The following SLITRK4 variants were observed in gnomAD, a reference collection of about 807,000 sequenced individuals.
SLITRK4 encodes SLIT and NTRK-like protein 4.
Under a neutral mutation model 34.7 loss-of-function variants are expected in SLITRK4, and 7 were observed. The ratio of observed to expected loss-of-function variants is 0.20; its 90% confidence interval spans 0.11 to 0.38. SLITRK4 has a LOEUF of 0.38. Among genes scored for constraint, SLITRK4 ranks in the 10% least tolerant of loss-of-function variants. The pLI, the probability that SLITRK4 is intolerant of heterozygous loss-of-function variation, is 1.00. For synonymous variants in SLITRK4, 237 were observed against 246.2 expected (o/e 0.96, Z 0.35); for missense variants, 474 against 607.0 (o/e 0.78, Z 2.30).
rs782193840 is a variant in SLITRK4, at chrX:143,629,198, G to A, written c.1911C>T (p.Cys637=). 6 of 1,211,438 alleles carry A rather than the reference G, an allele frequency of 5.0e-6. No individual in the cohort carries two copies. The highest frequency in any genetic ancestry group is 6.7e-6 in the Non-Finnish European group (6 of 895,476). ...VLILTVFVAF[C]LLVFVLRRNK... is the part of the protein sequence containing the mutation. ...TGCGTCGCAGGACAAAAACAAGAAGGCAAAAAGCAACAAACACCGTTAAAA... is the reference window on the plus strand; with the variant it reads ...TGCGTCGCAGGACAAAAACAAGAAGACAAAAAGCAACAAACACCGTTAAAA... The change falls in exon 2 of 2, where the codon TGC becomes TGT. Residue 637 remains cysteine (C), a synonymous_variant. Transcript: ENST00000356928.
Position 143,629,325 on chromosome X carries a change from G to C in SLITRK4, c.1784C>G (p.Ala595Gly). The C allele has an allele frequency of 8.3e-7, 1 of 1,211,966 alleles. No homozygotes were observed. Among genetic ancestry groups the C allele is most frequent in the African/African-American group, 1.7e-5 (1 of 57,903 alleles). ...AGGAGTGGTGAATGTAATGGCAGGT[G>C]CAGGGCTTGTGAATGGTGCAGACGG... is the stretch of plus-strand genomic sequence containing the variant. ...NKPSAPFTSP[A>G]PAITFTTPLG... is the part of the protein sequence containing the mutation. The change falls in exon 2 of 2, where the codon GCA (alanine) becomes GGA (glycine). Residue 595 changes from alanine (A) to glycine (G), a missense_variant. By Grantham distance (60) the Ala-to-Gly change is moderately conservative. Around this residue, in one of 3 missense-constraint regions of SLITRK4, gnomAD observed 345 missense variants for 406.5 expected, o/e 0.85. Transcript: ENST00000356928.
At position 143,623,020 on chromosome X, in the gene SLITRK4, C is replaced by G. The variant is rs1930680646; in HGVS notation, c.*5575G>C. Reference sequence around the variant, plus strand: ...ATTAACCAGCAGCGTCTGACATGATCTAGTATTTGTGAGGTGCCAACTAAG... The same window carrying G: ...ATTAACCAGCAGCGTCTGACATGATGTAGTATTTGTGAGGTGCCAACTAAG... On this transcript the variant is annotated 3_prime_UTR_variant, in exon 2 of 2. Coordinates refer to ENST00000356928, the MANE Select transcript of SLITRK4 (RefSeq NM_001184749.3). 9.1e-6 allele frequency: 1 copy of G among 110,436 alleles called. No homozygotes were observed. Among genetic ancestry groups the G allele is most frequent in the Admixed American group, 9.8e-5 (1 of 10,231 alleles). The allele number at this position is 110,436 out of a possible 1,213,427, so 9.1% of individuals were successfully genotyped here.
rs986296755 is a variant in SLITRK4, at chrX:143,625,258, T to C, written c.*3337A>G. The C allele has an allele frequency of 9.0e-6, 1 of 111,443 alleles. No homozygotes were observed. Among genetic ancestry groups the C allele is most frequent in the Non-Finnish European group, 1.9e-5 (1 of 52,783 alleles). The allele number at this position is 111,443 out of a possible 1,213,427, so 9.2% of individuals were successfully genotyped here. A position where few individuals can be genotyped will look rare whatever the true frequency, so the allele number is the denominator to read the frequency against. On this transcript the variant is annotated 3_prime_UTR_variant, in exon 2 of 2. Coordinates refer to ENST00000356928, the MANE Select transcript of SLITRK4 (RefSeq NM_001184749.3). ...CTAATTCATATATTTTTTCAGTCTA[T>C]TCAGAATGAAAAACTAAATATAGAA... is the stretch of plus-strand genomic sequence containing the variant.
At chrX:143,631,724 G>T (rs1275096354) in intron 1 of SLITRK4, among the ~76,000 whole-genome samples, 1 of 111,146 alleles carries the variant, frequency 9.0e-6, no homozygotes, top group Non-Finnish European at 1.9e-5. Context: ...AGTGACCTGG[G>T]AAGAGATTTG....
In SLITRK4 at chrX:143,629,171, G is replaced by A. The variant is rs1556426360; in HGVS notation, c.1938C>T (p.Asn646=). Residue 646 remains asparagine, a synonymous_variant, in exon 2 of 2, where the codon AAC becomes AAT. Transcript: ENST00000356928. ...CTTCGTGCTTCACTGTGGGTTTCTT[G>A]TTGCGTCGCAGGACAAAAACAAGAA... The part of the protein sequence containing the change: ...FCLLVFVLRR[N]KKPTVKHEGL... The A allele has an allele frequency of 8.3e-7, 1 of 1,211,462 alleles. No homozygotes were observed. Among genetic ancestry groups the A allele is most frequent in the Admixed American group, 2.2e-5 (1 of 45,960 alleles).
rs1556425527 is a variant in SLITRK4 at position 143,626,774 on chromosome X, C to G, written c.*1821G>C. 3 of 107,417 alleles carry G rather than the reference C, an allele frequency of 2.8e-5. No homozygotes were observed. The highest frequency in any genetic ancestry group is 1.0e-4 in the African/African-American group (3 of 29,585). The allele number at this position is 107,417 out of a possible 1,213,427, so 8.9% of individuals were successfully genotyped here. On this transcript the variant is annotated 3_prime_UTR_variant, in exon 2 of 2. Transcript: ENST00000356928. The stretch of plus-strand genomic sequence containing the variant: ...GTAATTATAAGAGATAGGACACACA[C>G]TCTCACACATGCACACACACACACT...
rs1930896783 is a variant in SLITRK4, at chrX:143,628,673, A to G, written c.2436T>C (p.Phe812=). The change falls in exon 2 of 2, where the codon TTT becomes TTC. Residue 812 remains phenylalanine, a synonymous_variant. Transcript: ENST00000356928. ...AACTCTGCAGTTTCGCCTTCAGTTCAAAATACTCACTCTTCCTTTGTTCCA... is the reference window on the plus strand; with the variant it reads ...AACTCTGCAGTTTCGCCTTCAGTTCGAAATACTCACTCTTCCTTTGTTCCA... The part of the protein sequence containing the change: ...IVVEQRKSEY[F]ELKAKLQSSP... 1 of 1,211,492 alleles carries G rather than the reference A, an allele frequency of 8.3e-7. No individual in the cohort carries two copies. The highest frequency in any genetic ancestry group is 1.1e-6 in the Non-Finnish European group (1 of 895,418).
chrX:143,625,464 A>G lies in SLITRK4; in HGVS notation c.*3131T>C, dbSNP rs1268543921. 9.0e-6 allele frequency: 1 copy of G among 111,408 alleles called. No individual in the cohort carries two copies. Among genetic ancestry groups the G allele is most frequent in the Non-Finnish European group, 1.9e-5 (1 of 52,739 alleles). 9.2% of individuals were successfully genotyped at this position (111,408 alleles called of 1,213,427 possible). ...ATCTCAACCCCTTCACTGATTTCAT[A>G]AGATCTAAATTTGTTTGCAATCATT... On this transcript the variant is annotated 3_prime_UTR_variant, in exon 2 of 2. Coordinates refer to ENST00000356928, the MANE Select transcript of SLITRK4 (RefSeq NM_001184749.3).
chrX:143,624,988 T>A lies in SLITRK4; in HGVS notation c.*3607A>T, dbSNP rs1232299937. ...TATAGTTTCTCCCCAACTCTTTGGA[T>A]GCGACAGTAACAACAAAAAAACCTC... On this transcript the variant is annotated 3_prime_UTR_variant, in exon 2 of 2. Transcript: ENST00000356928. 9.0e-6 allele frequency: 1 copy of A among 111,133 alleles called. No homozygotes were observed. Among genetic ancestry groups the A allele is most frequent in the Non-Finnish European group, 1.9e-5 (1 of 52,720 alleles). The allele number at this position is 111,133 out of a possible 1,213,427, so 9.2% of individuals were successfully genotyped here.
In SLITRK4 at chrX:143,627,324, G is replaced by C. The variant is rs1556425664; in HGVS notation, c.*1271C>G. ...AATTAAGCTCATAGAATCCTGAAAA[G>C]CAAGACAACCGATGGCAAATAACAA... is the stretch of plus-strand genomic sequence containing the variant. On this transcript the variant is annotated 3_prime_UTR_variant, in exon 2 of 2. Transcript: ENST00000356928. 1.8e-5 allele frequency: 2 copies of C among 110,128 alleles called. No individual in the cohort carries two copies. Among genetic ancestry groups the C allele is most frequent in the African/African-American group, 3.3e-5 (1 of 30,310 alleles). 9.1% of individuals were successfully genotyped at this position (110,128 alleles called of 1,213,427 possible). A position where few individuals can be genotyped will look rare whatever the true frequency, so the allele number is the denominator to read the frequency against.
In SLITRK4 at chrX:143,629,273, A is replaced by C. The variant is rs1163754937; in HGVS notation, c.1836T>G (p.Gly612=). 2.5e-6 allele frequency: 3 copies of C among 1,210,436 alleles called. No homozygotes were observed. In the African/African-American group the frequency reaches 5.2e-5, roughly 21 times the overall value. Residue 612 remains glycine (G), a synonymous_variant, in exon 2 of 2, where the codon GGT becomes GGG. Transcript: ENST00000356928. ...TTAAAATAGACAGAGGCACTGGCCC[A>C]CCAGGAGGACTTCGAATGGGACCCA... ...TPLGPIRSPP[G]GPVPLSILIL... is the part of the protein sequence containing the mutation.
rs953039312 is a variant in SLITRK4, at chrX:143,625,218, G to T, written c.*3377C>A. On this transcript the variant is annotated 3_prime_UTR_variant, in exon 2 of 2. Transcript: ENST00000356928. ...TAAAAAAAGCAACAAAAGAAAGATG[G>T]TCTTAAATAAATTTCTAATTCATAT... The T allele has an allele frequency of 1.8e-5, 2 of 110,693 alleles. No homozygotes were observed. Among genetic ancestry groups the T allele is most frequent in the Admixed American group, 9.6e-5 (1 of 10,364 alleles). The allele number at this position is 110,693 out of a possible 1,213,427, so 9.1% of individuals were successfully genotyped here. A position where few individuals can be genotyped will look rare whatever the true frequency, so the allele number is the denominator to read the frequency against.
Position 143,623,561 on chromosome X carries a change from T to TTAAATAAA in SLITRK4, c.*5026_*5033dup, listed in dbSNP as rs782814951. The TTAAATAAA allele has an allele frequency of 9.1e-6, 1 of 110,123 alleles. No homozygotes were observed. The allele number at this position is 110,123 out of a possible 1,213,427, so 9.1% of individuals were successfully genotyped here. A position where few individuals can be genotyped will look rare whatever the true frequency, so the allele number is the denominator to read the frequency against. On this transcript the variant is annotated 3_prime_UTR_variant, in exon 2 of 2. Transcript: ENST00000356928. ...TCAACCAGTAGAAACTAAAAAGACATTAAATAAATAAATAAATAAATAAAT... is the reference window on the plus strand; with the variant it reads ...TCAACCAGTAGAAACTAAAAAGACATTAAATAAATAAATAAATAAATAAATAAATAAAT...
Position 143,628,209 on chromosome X carries a change from G to C in SLITRK4, c.*386C>G, listed in dbSNP as rs186214549. 2.2e-5 allele frequency: 5 copies of C among 222,646 alleles called. No homozygotes were observed. The highest frequency in any genetic ancestry group is 1.3e-4 in the African/African-American group (4 of 30,094). 18.3% of individuals were successfully genotyped at this position (222,646 alleles called of 1,213,427 possible). A position where few individuals can be genotyped will look rare whatever the true frequency, so the allele number is the denominator to read the frequency against. On this transcript the variant is annotated 3_prime_UTR_variant, in exon 2 of 2. Transcript: ENST00000356928. ...TTCCAGTTCCACCAACTTAATCTAC[G>C]TGCAAGATAAAGGACCCAGCTGGTA... is the stretch of plus-strand genomic sequence containing the variant.
rs891571367 is a variant in SLITRK4, at chrX:143,623,053, T to C, written c.*5542A>G. 2 of 110,876 alleles carry C rather than the reference T, an allele frequency of 1.8e-5. No homozygotes were observed. The highest frequency in any genetic ancestry group is 3.8e-5 in the Non-Finnish European group (2 of 52,828). The allele number at this position is 110,876 out of a possible 1,213,427, so 9.1% of individuals were successfully genotyped here. A position where few individuals can be genotyped will look rare whatever the true frequency, so the allele number is the denominator to read the frequency against. On this transcript the variant is annotated 3_prime_UTR_variant, in exon 2 of 2. Transcript: ENST00000356928. ...TGTGAGGTGCCAACTAAGAGAAATATATTGTTCAGAAACTTGAAAAGACTA... is the reference window on the plus strand; with the variant it reads ...TGTGAGGTGCCAACTAAGAGAAATACATTGTTCAGAAACTTGAAAAGACTA...
Position 143,629,649 on chromosome X carries a change from C to T in SLITRK4, c.1460G>A (p.Ser487Asn), listed in dbSNP as rs202159792. 1.2e-5 allele frequency: 14 copies of T among 1,209,658 alleles called. No individual in the cohort carries two copies. The highest frequency in any genetic ancestry group is 1.6e-5 in the Non-Finnish European group (14 of 895,270). ...LLYLNNNLLK[S>N]LPVYIFSGAP... ...TCCGGAAAAGATGTAAACAGGCAGG[C>T]TCTTTAGGAGATTATTGTTTAAGTA... The change falls in exon 2 of 2, where the codon AGC (serine) becomes AAC (asparagine). Residue 487 changes from serine to asparagine, a missense_variant. Physicochemically the swap from Ser to Asn is conservative, Grantham distance 46 (BLOSUM62 1). This residue lies in a region of SLITRK4 where 345 missense variants were observed against 406.5 expected (regional missense o/e 0.85). Transcript: ENST00000356928.
At chrX:143,635,601 G>A (rs1434243614) in intron 1 of SLITRK4, 134 bp downstream of exon 1, 2 of 110,181 alleles carry the variant, frequency 1.8e-5, no homozygotes, top group African/African-American at 6.6e-5. Context: ...CTGGGGGAGG[G>A]GGGCCGAGGG....
Position 143,630,501 on chromosome X carries a change from C to G in SLITRK4, c.608G>C (p.Gly203Ala), listed in dbSNP as rs1556427908. The change falls in exon 2 of 2, where the codon GGC becomes GCC. Residue 203 changes from glycine (G) to alanine (A), a missense_variant. Physicochemically the swap from Gly to Ala is moderately conservative, Grantham distance 60. Around this residue, in one of 3 missense-constraint regions of SLITRK4, gnomAD observed 45 missense variants for 99.2 expected, o/e 0.45. Transcript: ENST00000356928. Reference protein sequence around the residue: ...LPYIGVLEHIGRVVELQLEDN... With the variant: ...LPYIGVLEHIARVVELQLEDN... ...TTCCAGTTGCAATTCAACGACACGG[C>G]CAATGTGTTCCAGAACCCCGATATA... The G allele has an allele frequency of 1.7e-6, 2 of 1,211,536 alleles. No homozygotes were observed. Among genetic ancestry groups the G allele is most frequent in the South Asian group, 1.8e-5 (1 of 56,959 alleles).
chrX:143,630,248 G>C lies in SLITRK4; in HGVS notation c.861C>G (p.Pro287=), dbSNP rs782507375. The change falls in exon 2 of 2, where the codon CCC becomes CCG. Residue 287 remains proline, a synonymous_variant. Coordinates refer to ENST00000356928, the MANE Select transcript of SLITRK4 (RefSeq NM_001184749.3). The part of the protein sequence containing the change: ...PSQLENGYTT[P]NGHTTQTSLH... ...AAGATGTTTGGGTAGTGTGACCATT[G>C]GGAGTGGTGTAGCCATTTTCCAGCT... 1 of 1,211,878 alleles carries C rather than the reference G, an allele frequency of 8.3e-7. No individual in the cohort carries two copies. The highest frequency in any genetic ancestry group is 1.1e-6 in the Non-Finnish European group (1 of 895,551).
Sources: allele counts gnomAD v4.1 joint callset (sites outside exome capture counted in the v4.1 genomes callset), GRCh38; gene constraint gnomAD v4.1.1; regional missense constraint gnomAD v4.1.1; transcripts MANE v1.5; gene names NCBI Gene and HGNC (gene_info 2026-07-23, HGNC 2026-07-21).